LPL: variants seen among roughly 807,000 people sequenced by gnomAD.
LPL encodes the protein lipoprotein lipase.
In LPL, 43 loss-of-function variants were observed where a neutral mutation model predicts 52.2. The ratio of observed to expected loss-of-function variants is 0.82; its 90% CI spans 0.64 to 1.06. The LOEUF is 1.06. Ranked by LOEUF, LPL falls within the 50% of genes least tolerant of loss-of-function variation. The probability of loss-of-function intolerance (pLI) is 0.00; values close to 1 mark genes in which losing one functional copy is unlikely to be tolerated. For missense variants in LPL, 639 were observed against 585.3 expected (o/e 1.09, Z -0.95); for synonymous variants, 244 against 215.6 (o/e 1.13, Z -1.15).
chr8:19,956,216 T>C, intron 6 of LPL, 133 bp downstream of exon 6: 3 of 1,300,520 alleles, frequency 2.3e-6, no homozygotes, highest in Non-Finnish European at 3.3e-6. Context: ...GCCCTGGTGT[T>C]TCTGTTGATA....
chr8:19,939,533 G>A lies in LPL; in HGVS notation c.88+5G>A. On this transcript the variant is annotated splice_donor_5th_base_variant and intron_variant, in intron 1 of 9. Transcript: ENST00000650287. This position sits in a 1 kb window ranked among gnomAD's most constrained non-coding sequence, Gnocchi z 4.0. ...GAGGGGTGGCCGCCGCCGACCGTAA[G>A]TTTTGCGCGCAAACTCCCCTCCACC... The A allele has an allele frequency of 6.2e-7, 1 of 1,606,398 alleles. No individual in the cohort carries two copies. The highest frequency in any genetic ancestry group is 1.7e-5 in the Admixed American group (1 of 59,302).
At chr8:19,946,653 G>C (rs1027852901) in intron 1 of LPL, 1 of 179,968 alleles carries the variant, frequency 5.6e-6, no homozygotes, top group African/African-American at 2.4e-5. Context: ...AATTTCGAAC[G>C]GCAAAATCTA....
rs1240693315 is a variant in LPL at position 19,939,641 on chromosome 8, A to T, written c.88+113A>T. 4 of 1,109,530 alleles carry T rather than the reference A, an allele frequency of 3.6e-6. No individual in the cohort carries two copies. The highest frequency in any genetic ancestry group is 4.1e-5 in the Admixed American group (2 of 48,516). The allele number at this position is 1,109,530 out of a possible 1,614,324, so 68.7% of individuals were successfully genotyped here. ...GAAGGGGCGGTGGATGCGCCCAGGG[A>T]CTCTCCCAGCCTGGGCTCTAGCCCC... is the stretch of plus-strand genomic sequence containing the variant. On this transcript the variant is annotated intron_variant, in intron 1 of 9. Transcript: ENST00000650287. This position sits in a 1 kb window ranked among gnomAD's most constrained non-coding sequence, Gnocchi z 4.0.
Position 19,951,957 on chromosome 8 carries a change from G to A in LPL, c.429+9G>A, listed in dbSNP as rs1369727743. ...TTATCAACTGGATGGAGGTAAGACT[G>A]GGAGAAGGAGACTTATGTGTCCAAA... On this transcript the variant is annotated intron_variant, in intron 3 of 9. Coordinates refer to ENST00000650287, the MANE Select transcript of LPL (RefSeq NM_000237.3). 10 of 1,614,170 alleles carry A rather than the reference G, an allele frequency of 6.2e-6. No individual in the cohort carries two copies. The highest frequency in any genetic ancestry group is 8.5e-6 in the Non-Finnish European group (10 of 1,180,022).
chr8:19,955,139 G>C (rs1346184355), intron 5 of LPL, among the ~76,000 whole-genome samples: 1 of 152,142 alleles, frequency 6.6e-6, no homozygotes, highest in Non-Finnish European at 1.5e-5. Context: ...AAACTTACAA[G>C]GAATTCATTC....
chr8:19,949,180 T>C (rs1450992064), intron 2 of LPL, among the ~76,000 whole-genome samples: 1 of 152,230 alleles, frequency 6.6e-6, no homozygotes, highest in Non-Finnish European at 1.5e-5. Context: ...ATATATTATC[T>C]ATCCATTATG....
chr8:19,948,452 C>A, intron 2 of LPL, 112 bp downstream of exon 2: 1 of 1,216,232 alleles, frequency 8.2e-7, no homozygotes, highest in Non-Finnish European at 1.2e-6. Context: ...TCACGTGGAT[C>A]TCCTTACACT....
rs298 is a variant in LPL, at chr8:19,959,349, G to A, written c.1108G>A (p.Val370Met). The part of the protein sequence containing the change: ...QAFEISLYGT[V>M]AESENIPFTL... Reference sequence around the variant, plus strand: ...CTTTGAGATTTCTCTGTATGGCACCGTGGCCGAGAGTGAGAACATCCCATT... The same window carrying A: ...CTTTGAGATTTCTCTGTATGGCACCATGGCCGAGAGTGAGAACATCCCATT... Residue 370 changes from valine to methionine, a missense_variant, in exon 7 of 10, where the codon GTG becomes ATG. Coordinates refer to ENST00000650287, the MANE Select transcript of LPL (RefSeq NM_000237.3). 76 of 1,613,956 alleles carry A rather than the reference G, an allele frequency of 4.7e-5. No individual in the cohort carries two copies. Among genetic ancestry groups the A allele is most frequent in the East Asian group, 1.1e-4 (5 of 44,894 alleles).
At chr8:19,948,935 T>TAAA (rs530320828) in intron 2 of LPL, among the ~76,000 whole-genome samples, 3 of 144,190 alleles carry the variant, frequency 2.1e-5, no homozygotes, top group African/African-American at 7.6e-5. Context: ...TTCTGGAAAT[T>TAAA]AAAAAAAAAA....
In LPL at chr8:19,965,866, G is replaced by C. The variant is rs1204054782; in HGVS notation, c.*556G>C. ...ACGTCAACCAGGAACATGTAACTTG[G>C]AGAGGGACGAAGAAAGGGTCTGATA... is the stretch of plus-strand genomic sequence containing the variant. On this transcript the variant is annotated 3_prime_UTR_variant, in exon 10 of 10. Coordinates refer to ENST00000650287, the MANE Select transcript of LPL (RefSeq NM_000237.3). 6.5e-6 allele frequency: 1 copy of C among 152,798 alleles called. No individual in the cohort carries two copies. Among genetic ancestry groups the C allele is most frequent in the Non-Finnish European group, 1.5e-5 (1 of 68,498 alleles). The allele number at this position is 152,798 out of a possible 1,614,324, so 9.5% of individuals were successfully genotyped here.
intron 3 of LPL, among the ~76,000 whole-genome samples, chr8:19,952,439 G>A (rs1450456479): frequency 6.6e-6 from 1 of 152,170 alleles, no homozygotes; most frequent in African/African-American, 2.4e-5. Flanking sequence ...TGTTGGAAGG[G>A]AAGGTGCATA....
chr8:19,962,820 C>A (rs2070051696), intron 9 of LPL, among the ~76,000 whole-genome samples: 2 of 152,190 alleles, frequency 1.3e-5, no homozygotes. Flanking sequence ...CAACTCTGTG[C>A]CTCTTTCCTA....
rs2070097265 is a variant in LPL at position 19,967,186 on chromosome 8, A to G, written c.*1876A>G. ...TTATGAAATGGGCTTTAACAAAACA[A>G]GAAAGAAACGTACTTAACTGTGTGA... On this transcript the variant is annotated 3_prime_UTR_variant, in exon 10 of 10. Transcript: ENST00000650287. The G allele has an allele frequency of 6.5e-6, 1 of 152,694 alleles. No individual in the cohort carries two copies. Among genetic ancestry groups the G allele is most frequent in the Non-Finnish European group, 1.5e-5 (1 of 68,058 alleles). 9.5% of individuals were successfully genotyped at this position (152,694 alleles called of 1,614,324 possible).
chr8:19,948,980 A>C (rs1043077087), intron 2 of LPL, among the ~76,000 whole-genome samples: 1 of 151,614 alleles, frequency 6.6e-6, no homozygotes, highest in Non-Finnish European at 1.5e-5. Flanking sequence ...CTGACATGCC[A>C]GATGATTAGA....
At chr8:19,958,321 C>G (rs758420897) in intron 6 of LPL, among the ~76,000 whole-genome samples, 6 of 152,116 alleles carry the variant, frequency 3.9e-5, no homozygotes, top group African/African-American at 1.4e-4. Flanking sequence ...CATGCCTGGC[C>G]TCCAAGAACT....
intron 9 of LPL, among the ~76,000 whole-genome samples, 175 bp from the exon 10 acceptor site, chr8:19,965,135 C>G (rs903944067): frequency 6.6e-6 from 1 of 152,174 alleles, no homozygotes; most frequent in Non-Finnish European, 1.5e-5. Flanking sequence ...TCCATTCCTA[C>G]AAACCTGCCA....
chr8:19,940,416 G>A (rs547720613), intron 1 of LPL, among the ~76,000 whole-genome samples: 1 of 152,174 alleles, frequency 6.6e-6, no homozygotes. Flanking sequence ...TGGGGTTGAC[G>A]GGCGCCGCGT....
chr8:19,943,785 T>A (rs976998108), intron 1 of LPL, among the ~76,000 whole-genome samples: 2 of 152,198 alleles, frequency 1.3e-5, no homozygotes, highest in Non-Finnish European at 2.9e-5. Flanking sequence ...AACCCCTCTT[T>A]TTCAGTAGTG....
intron 6 of LPL, among the ~76,000 whole-genome samples, chr8:19,957,984 ATTAT>A (rs1416427618): frequency 2.2e-5 from 3 of 135,950 alleles, no homozygotes; most frequent in African/African-American, 8.5e-5. Flanking sequence ...CATTCCAAGA[ATTAT>A]TTTATTTATT....
Sources: allele counts gnomAD v4.1 joint callset (sites outside exome capture counted in the v4.1 genomes callset), GRCh38; gene constraint gnomAD v4.1.1; non-coding constraint Gnocchi (gnomAD v3.1); transcripts MANE v1.5; gene names NCBI Gene and HGNC (gene_info 2026-07-23, HGNC 2026-07-21).